HTR4: variants seen among roughly 807,000 people sequenced by gnomAD.
HTR4 encodes the protein 5-hydroxytryptamine receptor 4, also known as 5-hydroxytryptamine (serotonin) receptor 4, G protein-coupled.
A neutral mutation model predicts 36.8 loss-of-function variants in HTR4; 16 were observed. The ratio of observed to expected loss-of-function variants is 0.43; its 90% CI spans 0.29 to 0.66. The LOEUF is 0.66. Among genes scored for constraint, HTR4 ranks in the 30% least tolerant of loss-of-function variants. HTR4 has a pLI of 0.13. For synonymous variants in HTR4, 189 were observed against 185.1 expected (o/e 1.02, Z -0.17); for missense variants, 438 against 490.9 (o/e 0.89, Z 1.02).
intron 5 of HTR4, among the ~76,000 whole-genome samples, chr5:148,464,038 A>G (rs1382165989): frequency 6.6e-6 from 1 of 150,734 alleles, no homozygotes; most frequent in Non-Finnish European, 1.5e-5. Context: ...GACATGCAAA[A>G]AAAAAAAAAA....
At chr5:148,574,725 G>A (rs1437425114) in intron 2 of HTR4, among the ~76,000 whole-genome samples, 3 of 152,024 alleles carry the variant, frequency 2.0e-5, no homozygotes, top group East Asian at 1.9e-4. Context: ...ACAGAACGTC[G>A]GGCTTGAGGG....
At chr5:148,607,702 G>T (rs1357697451) in intron 2 of HTR4, among the ~76,000 whole-genome samples, 1 of 152,038 alleles carries the variant, frequency 6.6e-6, no homozygotes, top group Non-Finnish European at 1.5e-5. Context: ...GATCCAAGTT[G>T]GTCCAATCAT....
intron 5 of HTR4, among the ~76,000 whole-genome samples, chr5:148,467,226 CAT>C (rs768535918): frequency 7.9e-5 from 12 of 152,198 alleles, no homozygotes; most frequent in Non-Finnish European, 1.0e-4. Context: ...TAGAATTACA[CAT>C]GAGATAATAT....
chr5:148,506,778 C>T (rs551497319), intron 6 of HTR4, among the ~76,000 whole-genome samples: 1 of 152,326 alleles, frequency 6.6e-6, no homozygotes, highest in South Asian at 2.1e-4. Context: ...AAAAAATGCT[C>T]ATCATCACTG....
intron 2 of HTR4, among the ~76,000 whole-genome samples, chr5:148,576,110 C>CAAAAAAAAAAAAAAAAAAA (rs781780161): frequency 2.4e-4 from 8 of 32,702 alleles, no homozygotes; most frequent in Admixed American, 3.9e-4. Flanking sequence ...GACTCCGTCT[C>CAAAAAAAAAAAAAAAAAAA]AAAAAAAAAA....
chr5:148,587,305 C>T (rs1761383997), intron 2 of HTR4, among the ~76,000 whole-genome samples: 1 of 152,176 alleles, frequency 6.6e-6, no homozygotes, highest in Admixed American at 6.5e-5. Flanking sequence ...ACCTTTTTCA[C>T]TTGAGAATGA....
chr5:148,652,149 T>C (rs984048085), intron 1 of HTR4, among the ~76,000 whole-genome samples: 2 of 152,240 alleles, frequency 1.3e-5, no homozygotes, highest in Non-Finnish European at 2.9e-5. Flanking sequence ...ATAGTCTATA[T>C]CTATTCCTAT....
rs549182363 is a variant in HTR4, at chr5:148,587,467, G to A, written c.27-37205C>T. On this transcript the variant is annotated intron_variant, in intron 2 of 6. Transcript: ENST00000377888. ...ACTTGGGCGGAGGGTTGGGGGGGTG[G>A]TGAAAGAAAGCTGGGATGGCTGGTG... 3.3e-5 allele frequency among the ~76,000 whole-genome samples: 5 copies of A among 152,168 alleles called. 1 individual carries two copies. The highest frequency in any genetic ancestry group is 1.2e-4 in the African/African-American group (5 of 41,520).
In HTR4 at chr5:148,636,278, T is replaced by A. The variant is rs548554474; in HGVS notation, c.26+711A>T. On this transcript the variant is annotated intron_variant, in intron 2 of 6. Coordinates refer to ENST00000377888, the MANE Select transcript of HTR4 (RefSeq NM_000870.7). ...GAGGTCTCAAGTGAATGAAAAACAG[T>A]TCTTGTGATTACAGCAAGAATGTAT... 9.9e-5 allele frequency among the ~76,000 whole-genome samples: 15 copies of A among 152,282 alleles called. No individual in the cohort carries two copies. The South Asian group carries it at 2.9e-3, about 29-fold the overall frequency.
At chr5:148,522,374 T>C (rs1758063806) in intron 5 of HTR4, among the ~76,000 whole-genome samples, 1 of 152,186 alleles carries the variant, frequency 6.6e-6, no homozygotes, top group Non-Finnish European at 1.5e-5. Flanking sequence ...AGTCTAAGCT[T>C]TGAATATTTG....
intron 2 of HTR4, among the ~76,000 whole-genome samples, chr5:148,611,281 G>T (rs1429684508): frequency 6.6e-6 from 1 of 151,722 alleles, no homozygotes; most frequent in African/African-American, 2.4e-5. Context: ...CAGAGAGAAA[G>T]GTCGGGTTAC....
chr5:148,531,246 C>T (rs1758550409), intron 4 of HTR4, among the ~76,000 whole-genome samples: 1 of 151,932 alleles, frequency 6.6e-6, no homozygotes, highest in Non-Finnish European at 1.5e-5. Flanking sequence ...TGGCTGTGTC[C>T]CCACCCAAAC....
At chr5:148,609,449 A>T (rs2127278126) in intron 2 of HTR4, among the ~76,000 whole-genome samples, 1 of 152,330 alleles carries the variant, frequency 6.6e-6, no homozygotes, top group Middle Eastern at 3.4e-3. Context: ...CCAAAATATA[A>T]GGCAAATACT....
At chr5:148,640,403 G>A (rs992937962) in intron 1 of HTR4, among the ~76,000 whole-genome samples, 11 of 152,290 alleles carry the variant, frequency 7.2e-5, no homozygotes, top group African/African-American at 2.6e-4. Flanking sequence ...TTACTGGCTG[G>A]ACCAGGGAAA....
intron 5 of HTR4, among the ~76,000 whole-genome samples, chr5:148,462,415 C>A (rs987830981): frequency 1.3e-5 from 2 of 151,832 alleles, no homozygotes; most frequent in Non-Finnish European, 2.9e-5. Flanking sequence ...AATTTGATAA[C>A]CTTGATGAAA....
At chr5:148,554,906 T>C (rs1403804535) in intron 2 of HTR4, among the ~76,000 whole-genome samples, 1 of 152,104 alleles carries the variant, frequency 6.6e-6, no homozygotes. Context: ...CTGAATTTGA[T>C]TTTCTGTTCC....
chr5:148,453,030 T>A (rs1449286316), intron 5 of HTR4, among the ~76,000 whole-genome samples: 7 of 152,186 alleles, frequency 4.6e-5, no homozygotes, highest in African/African-American at 1.7e-4. Context: ...ACACAGGGTG[T>A]CACAGGGGAG....
chr5:148,469,009 T>G (rs1302972839), intron 5 of HTR4, among the ~76,000 whole-genome samples: 1 of 152,150 alleles, frequency 6.6e-6, no homozygotes. Context: ...TCCCCAGCCC[T>G]GCAGAACTGT....
downstream of HTR4, chr5:148,476,499 A>G (rs1161630129): frequency 2.6e-6 from 3 of 1,156,494 alleles, no homozygotes; most frequent in Non-Finnish European, 3.3e-6. Context: ...GTTTTCTCTT[A>G]TCAGAAGGCT....
Sources: allele counts gnomAD v4.1 joint callset (sites outside exome capture counted in the v4.1 genomes callset), GRCh38; gene constraint gnomAD v4.1.1; transcripts MANE v1.5; gene names NCBI Gene and HGNC (gene_info 2026-07-23, HGNC 2026-07-21).